FBXL17: variants seen among roughly 807,000 people sequenced by gnomAD.
FBXL17 encodes F-box/LRR-repeat protein 17.
In FBXL17, 22 loss-of-function variants were observed where a neutral mutation model predicts 66.2. The ratio of observed to expected loss-of-function variants is 0.33; its 90% CI spans 0.24 to 0.47. The LOEUF (loss-of-function observed/expected upper bound fraction) is 0.47. FBXL17 is among the 20% of genes least tolerant of loss of function. FBXL17 has a pLI of 1.00. For synonymous variants in FBXL17, 474 were observed against 400.5 expected, an observed-to-expected ratio of 1.18 and a Z score of -2.19; for missense variants, 878 against 948.2, an observed-to-expected ratio of 0.93 and a Z score of 0.97.
intron 4 of FBXL17, among the ~76,000 whole-genome samples, chr5:108,247,420 C>T (rs1756152549): frequency 6.6e-6 from 1 of 152,062 alleles, no homozygotes; most frequent in Non-Finnish European, 1.5e-5. Flanking sequence ...TGGCTTTGCC[C>T]TAGACAGCAC....
chr5:108,216,781 A>G, intron 5 of FBXL17, among the ~76,000 whole-genome samples: 1 of 152,168 alleles, frequency 6.6e-6, no homozygotes, highest in East Asian at 1.9e-4. Flanking sequence ...AGCGGCAGGT[A>G]CCAATAAGGG....
intron 6 of FBXL17, among the ~76,000 whole-genome samples, chr5:108,154,612 T>TACACACACAC (rs1407716122): frequency 2.1e-5 from 2 of 95,458 alleles, no homozygotes; most frequent in African/African-American, 9.7e-5. Context: ...AAAAAATATA[T>TACACACACAC]ATATACACAC....
intron 4 of FBXL17, among the ~76,000 whole-genome samples, chr5:108,231,716 G>A (rs1755348847): frequency 6.6e-6 from 1 of 152,262 alleles, no homozygotes; most frequent in Middle Eastern, 3.4e-3. Context: ...AGGCTAAGAA[G>A]GGGGTTACAG....
chr5:108,239,187 C>G (rs1170836807), intron 4 of FBXL17, among the ~76,000 whole-genome samples: 1 of 152,046 alleles, frequency 6.6e-6, no homozygotes, highest in African/African-American at 2.4e-5. Flanking sequence ...ATCCTCCCTG[C>G]GGGAACACCA....
At chr5:108,185,657 T>C (rs756407100) in intron 6 of FBXL17, among the ~76,000 whole-genome samples, 3 of 152,004 alleles carry the variant, frequency 2.0e-5, no homozygotes, top group African/African-American at 7.2e-5. Flanking sequence ...CCAGGAATTG[T>C]ACCTAGGAAA....
At chr5:108,175,719 A>C (rs1408329882) in intron 6 of FBXL17, among the ~76,000 whole-genome samples, 1 of 152,314 alleles carries the variant, frequency 6.6e-6, no homozygotes, top group East Asian at 1.9e-4. Flanking sequence ...AGACACTTGC[A>C]TGTCATGTCT....
chr5:107,874,080 T>C (rs1159604553), intron 8 of FBXL17, among the ~76,000 whole-genome samples: 1 of 152,170 alleles, frequency 6.6e-6, no homozygotes, highest in Non-Finnish European at 1.5e-5. Flanking sequence ...ACTTGGCAGG[T>C]CTTCACTCTC....
At chr5:107,941,139 C>CT (rs1751080557) in intron 7 of FBXL17, among the ~76,000 whole-genome samples, 1 of 150,808 alleles carries the variant, frequency 6.6e-6, no homozygotes, top group South Asian at 2.1e-4. Context: ...ACCCCACACA[C>CT]TTTTTTCTGC....
At chr5:108,069,969 A>G (rs932725318) in intron 6 of FBXL17, among the ~76,000 whole-genome samples, 4 of 152,194 alleles carry the variant, frequency 2.6e-5, no homozygotes, top group African/African-American at 9.6e-5. Context: ...AGAATTACCT[A>G]TCTAAGTTAG....
chr5:108,324,151 T>C (rs1759745520), intron 4 of FBXL17, among the ~76,000 whole-genome samples: 1 of 151,984 alleles, frequency 6.6e-6, no homozygotes. Context: ...AGGAAACCTA[T>C]GGAATGGGAT....
At chr5:108,081,782 C>G (rs1208710242) in intron 6 of FBXL17, among the ~76,000 whole-genome samples, 1 of 152,116 alleles carries the variant, frequency 6.6e-6, no homozygotes, top group Non-Finnish European at 1.5e-5. Flanking sequence ...ACCACATGTT[C>G]AAATATTATT....
intron 4 of FBXL17, among the ~76,000 whole-genome samples, chr5:108,345,368 C>T (rs1747204800): frequency 6.6e-6 from 1 of 151,028 alleles, no homozygotes; most frequent in Non-Finnish European, 1.5e-5. Context: ...AAAAATTGTA[C>T]ATCTAAGTCC....
chr5:108,281,157 T>C (rs191559146), intron 4 of FBXL17, among the ~76,000 whole-genome samples: 103 of 152,038 alleles, frequency 6.8e-4, no homozygotes, highest in African/African-American at 2.4e-3. Flanking sequence ...AACTGGACTT[T>C]AGACCAAATG....
At chr5:108,321,693 T>C (rs536461969) in intron 4 of FBXL17, among the ~76,000 whole-genome samples, 10 of 150,776 alleles carry the variant, frequency 6.6e-5, no homozygotes, top group Non-Finnish European at 1.2e-4. Flanking sequence ...AACAAAAAAG[T>C]GGTAAATGTA....
At chr5:108,361,680 T>C (rs1486840297) in intron 3 of FBXL17, among the ~76,000 whole-genome samples, 1 of 152,162 alleles carries the variant, frequency 6.6e-6, no homozygotes, top group Non-Finnish European at 1.5e-5. Flanking sequence ...CCAAAGAAGC[T>C]TGCTCAAAAG....
chr5:108,143,827 G>A (rs1312798044), intron 6 of FBXL17, among the ~76,000 whole-genome samples: 1 of 148,798 alleles, frequency 6.7e-6, no homozygotes. Context: ...ATGTAAATTT[G>A]AGAAAAGACT....
chr5:108,189,399 C>CA (rs1400904168), intron 5 of FBXL17, among the ~76,000 whole-genome samples: 2 of 151,712 alleles, frequency 1.3e-5, no homozygotes, highest in East Asian at 3.9e-4. Context: ...GTCTCAGACT[C>CA]AGTGTTTTTT....
chr5:107,863,154 GA>G (rs1748175762), intron 8 of FBXL17, among the ~76,000 whole-genome samples: 1 of 151,368 alleles, frequency 6.6e-6, no homozygotes, highest in African/African-American at 2.4e-5. Flanking sequence ...ATAAAAAAAG[GA>G]AAACTGATAC....
chr5:108,015,993 T>C (rs288177), intron 7 of FBXL17, among the ~76,000 whole-genome samples: 45,042 of 152,098 alleles, frequency 0.3, 7,221 homozygotes, highest in East Asian at 0.54. Context: ...ATGCAGAAAC[T>C]AAACATCTGT....
Sources: gnomAD v4.1 joint callset for allele counts (sites outside exome capture counted in the v4.1 genomes callset) on GRCh38, gnomAD v4.1.1 for gene constraint, MANE v1.5 for transcripts, NCBI Gene and HGNC (gene_info 2026-07-23, HGNC 2026-07-21) for gene names.